The following KIF5B variants were observed in gnomAD, a reference collection of about 807,000 sequenced individuals.
The protein encoded by KIF5B is kinesin-1 heavy chain.
KIF5B carries 49 observed loss-of-function variants against 132.8 expected under a neutral mutation model. The observed-to-expected ratio is 0.37, with a 90% CI of 0.29 to 0.47. The LOEUF (loss-of-function observed/expected upper bound fraction) is 0.47, where lower values mean the gene tolerates loss of function less well. Ranked by LOEUF, KIF5B falls within the 20% of genes least tolerant of loss-of-function variation. The pLI is 1.00. For synonymous variants in KIF5B, 355 were observed against 369.4 expected (o/e 0.96, Z 0.45); for missense variants, 780 against 1,144.0 (o/e 0.68, Z 4.59).
chr10:32,046,375 C>T (rs751123248), intron 2 of KIF5B, among the ~76,000 whole-genome samples: 4 of 152,104 alleles, frequency 2.6e-5, no homozygotes, highest in Non-Finnish European at 5.9e-5. Flanking sequence ...GACCCTGTTC[C>T]TCTTTGTTGC....
At chr10:32,014,406 G>A (rs1469656072) in intron 25 of KIF5B, among the ~76,000 whole-genome samples, 1 of 151,952 alleles carries the variant, frequency 6.6e-6, no homozygotes, top group South Asian at 2.1e-4. Context: ...TGGGGCAGGG[G>A]GGTGTGGGGT....
At chr10:32,040,657 A>ACACACCCACC (rs370537671) in intron 2 of KIF5B, among the ~76,000 whole-genome samples, 200 bp from the exon 3 acceptor site, 1 of 137,574 alleles carries the variant, frequency 7.3e-6, no homozygotes, top group African/African-American at 2.7e-5. Flanking sequence ...ACACACACAC[A>ACACACCCACC]CCCTCTTCCT....
At position 32,034,684 on chromosome 10, in the gene KIF5B, T is replaced by A; in HGVS notation, c.1111+6A>T. On this transcript the variant is annotated splice_donor_region_variant and intron_variant, in intron 11 of 25. Coordinates refer to ENST00000302418, the MANE Select transcript of KIF5B (RefSeq NM_004521.3). ...AACTGAAGATGACAAATTCTTAAGTTATTACCATTACGCCATCTGTTGAGC... is the reference window on the plus strand; with the variant it reads ...AACTGAAGATGACAAATTCTTAAGTAATTACCATTACGCCATCTGTTGAGC... 6.4e-7 allele frequency: 1 copy of A among 1,560,846 alleles called. No individual in the cohort carries two copies. Among genetic ancestry groups the A allele is most frequent in the Non-Finnish European group, 8.6e-7 (1 of 1,158,898 alleles).
chr10:32,046,418 C>T (rs923747211), intron 2 of KIF5B, among the ~76,000 whole-genome samples: 4 of 152,114 alleles, frequency 2.6e-5, no homozygotes, highest in African/African-American at 9.7e-5. Context: ...GTTAATTCCC[C>T]TTCATTTTAT....
intron 2 of KIF5B, among the ~76,000 whole-genome samples, chr10:32,042,638 A>G (rs1841558125): frequency 6.6e-6 from 1 of 152,166 alleles, no homozygotes. Context: ...TACCATCATC[A>G]ATGTACAGCA....
At chr10:32,026,603 GA>G (rs934801995) in intron 15 of KIF5B, among the ~76,000 whole-genome samples, 5 of 147,524 alleles carry the variant, frequency 3.4e-5, no homozygotes, top group African/African-American at 5.0e-5. Context: ...TGGTATAGTG[GA>G]AAAAAAAATC....
intron 15 of KIF5B, among the ~76,000 whole-genome samples, chr10:32,027,269 A>G (rs1841344897): frequency 6.6e-6 from 1 of 152,200 alleles, no homozygotes. Flanking sequence ...CTACTGCAAC[A>G]TACAAATCTT....
At position 32,028,478 on chromosome 10, in the gene KIF5B, G is replaced by A. The variant is rs763242635; in HGVS notation, c.1675C>T (p.Leu559=). Residue 559 remains leucine, a synonymous_variant, in exon 15 of 26, where the codon CTA becomes TTA. Transcript: ENST00000302418. ...KRAAEMMASL[L]KDLAEIGIAV... is the part of the protein sequence containing the mutation. ...ATTCCTATTTCTGCAAGGTCTTTTA[G>A]TAAAGATGCCATCATCTCAGCTGCT... 1.2e-5 allele frequency: 20 copies of A among 1,613,008 alleles called. No homozygotes were observed. In the Admixed American group the frequency reaches 3.3e-4, roughly 27 times the overall value.
At position 32,056,190 on chromosome 10, in the gene KIF5B, A is replaced by C; in HGVS notation, c.-217T>G. ...CCCTAATGCTCACTTCCGATCCATC[A>C]TGGCAGCCATGGCGGCGGCAGCGGC... On this transcript the variant is annotated 5_prime_UTR_variant, in exon 1 of 26. It removes an upstream start codon present in the reference 5' UTR. Coordinates refer to ENST00000302418, the MANE Select transcript of KIF5B (RefSeq NM_004521.3). 1 of 527,036 alleles carries C rather than the reference A, an allele frequency of 1.9e-6. No homozygotes were observed. The highest frequency in any genetic ancestry group is 3.3e-6 in the Non-Finnish European group (1 of 306,696). 32.6% of individuals were successfully genotyped at this position (527,036 alleles called of 1,614,324 possible).
At chr10:32,015,858 C>G (rs1392607344) in intron 24 of KIF5B, among the ~76,000 whole-genome samples, 199 bp from the exon 25 acceptor site, 1 of 152,064 alleles carries the variant, frequency 6.6e-6, no homozygotes, top group Non-Finnish European at 1.5e-5. Context: ...AAAAATCTTC[C>G]TGGCCAGGCG....
intron 13 of KIF5B, 55 bp downstream of exon 13, chr10:32,032,651 A>C: frequency 7.1e-7 from 1 of 1,399,528 alleles, no homozygotes. Context: ...AATGGGATTC[A>C]GAAAACAAAA....
At chr10:32,040,522 T>A in intron 2 of KIF5B, 65 bp from the exon 3 acceptor site, 2 of 893,672 alleles carry the variant, frequency 2.2e-6, no homozygotes, top group Non-Finnish European at 3.8e-6. Flanking sequence ...AGAAATTACT[T>A]AAACTACAGG....
chr10:32,028,883 A>G (rs1007403395), intron 14 of KIF5B, among the ~76,000 whole-genome samples: 2 of 152,188 alleles, frequency 1.3e-5, no homozygotes, highest in Non-Finnish European at 2.9e-5. Context: ...ATTTAACTAG[A>G]TTTGATTATC....
intron 2 of KIF5B, 49 bp downstream of exon 2, chr10:32,048,415 A>C (rs2132615621): frequency 1.6e-6 from 2 of 1,272,406 alleles, no homozygotes; most frequent in Non-Finnish European, 1.1e-6. Flanking sequence ...AAAGATCACA[A>C]ACTTATTTAC....
At chr10:32,016,342 G>A (rs955501189) in intron 24 of KIF5B, among the ~76,000 whole-genome samples, 2 of 151,946 alleles carry the variant, frequency 1.3e-5, no homozygotes, top group Admixed American at 6.6e-5. Flanking sequence ...TTCAATCCCA[G>A]CTACTAGGGA....
At chr10:32,034,318 G>A (rs958903131) in intron 11 of KIF5B, among the ~76,000 whole-genome samples, 1 of 151,946 alleles carries the variant, frequency 6.6e-6, no homozygotes, top group African/African-American at 2.4e-5. Context: ...CAACATGTTG[G>A]CCAGGCTGGT....
In KIF5B at chr10:32,048,522, G is replaced by C; in HGVS notation, c.156C>G (p.Phe52Leu). 1.2e-6 allele frequency: 2 copies of C among 1,613,518 alleles called. No individual in the cohort carries two copies. Among genetic ancestry groups the C allele is most frequent in the Non-Finnish European group, 1.7e-6 (2 of 1,179,788 alleles). Residue 52 changes from phenylalanine to leucine, a missense_variant, in exon 2 of 26, where the codon TTC becomes TTG. Transcript: ENST00000302418. ...CTTGCTCTTGAGATGTGCTTGACTG[G>C]AACACCCGATCAAATGCATAAGGCT... ...ASKPYAFDRVFQSSTSQEQVY... is the reference protein window; with the variant it reads ...ASKPYAFDRVLQSSTSQEQVY...
At chr10:32,018,655 G>T in intron 20 of KIF5B, 93 bp from the exon 21 acceptor site, 4 of 926,768 alleles carry the variant, frequency 4.3e-6, no homozygotes, top group Non-Finnish European at 6.5e-6. Context: ...TGTCTGAAAG[G>T]ATAAATTCTT....
rs769483155 is a variant in KIF5B at position 32,024,146 on chromosome 10, C to CTTTTTTTTTT, written c.1726-1120_1726-1111dup. Among the ~76,000 whole-genome samples, 10 of 69,750 alleles carry CTTTTTTTTTT rather than the reference C, an allele frequency of 1.4e-4. 2 individuals carry two copies. Among genetic ancestry groups the CTTTTTTTTTT allele is most frequent in the African/African-American group, 6.2e-4 (10 of 16,256 alleles). The allele number at this position is 69,750 out of a possible 152,430, so 45.8% of individuals were successfully genotyped here. On this transcript the variant is annotated intron_variant, in intron 15 of 25. Transcript: ENST00000302418. ...TTATATCCAAAACATATGAAGAACTCTTTTTTTTTTTTTTTTTTTTTTTTT... is the reference window on the plus strand; with the variant it reads ...TTATATCCAAAACATATGAAGAACTCTTTTTTTTTTTTTTTTTTTTTTTTTTTTTTTTTTT...
Sources: gnomAD v4.1 joint callset for allele counts (sites outside exome capture counted in the v4.1 genomes callset) on GRCh38, gnomAD v4.1.1 for gene constraint, MANE v1.5 for transcripts, NCBI Gene and HGNC (gene_info 2026-07-23, HGNC 2026-07-21) for gene names.